ENTREP2: variants seen among roughly 807,000 people sequenced by gnomAD.
ENTREP2 encodes endosomal transmembrane epsin interactor 2, also known as protein ENTREP2.
the ENTREP2 span, among the ~76,000 whole-genome samples, chr15:29,131,133 A>T: frequency 6.6e-6 from 1 of 152,088 alleles, no homozygotes; most frequent in Non-Finnish European, 1.5e-5. Flanking sequence ...GTAGTTTCCC[A>T]CTCCTGGGTG....
chr15:29,159,239 GA>G, the ENTREP2 span, among the ~76,000 whole-genome samples: 1 of 152,054 alleles, frequency 6.6e-6, no homozygotes, highest in Non-Finnish European at 1.5e-5. Flanking sequence ...CCTCCGCGGT[GA>G]GTGTTACAGC....
chr15:29,400,101 C>T, the ENTREP2 span, among the ~76,000 whole-genome samples: 1 of 151,948 alleles, frequency 6.6e-6, no homozygotes, highest in South Asian at 2.1e-4. Flanking sequence ...TCCTGACAAC[C>T]CTAATTAGTA....
the ENTREP2 span, among the ~76,000 whole-genome samples, chr15:29,275,112 G>A: frequency 6.6e-6 from 1 of 152,276 alleles, no homozygotes; most frequent in South Asian, 2.1e-4. Flanking sequence ...TATTTTTCAA[G>A]TGCCTTTAGC....
chr15:29,275,431 G>A, the ENTREP2 span, among the ~76,000 whole-genome samples: 138 of 152,300 alleles, frequency 9.1e-4, 1 homozygote, highest in African/African-American at 3.0e-3. Flanking sequence ...AGTGTGATTC[G>A]AATATGGCAT....
chr15:29,603,640 AATTT>A, the ENTREP2 span, among the ~76,000 whole-genome samples: 3 of 152,074 alleles, frequency 2.0e-5, no homozygotes, highest in East Asian at 3.9e-4. Context: ...TTAATTAATT[AATTT>A]ATTTATTTAT....
At chr15:29,173,095 A>C in the ENTREP2 span, among the ~76,000 whole-genome samples, 282 of 152,196 alleles carry the variant, frequency 1.9e-3, 2 homozygotes, top group African/African-American at 6.6e-3. Flanking sequence ...ATAGTTCCAC[A>C]CTGGTCTAGC....
At chr15:29,606,349 C>T in the ENTREP2 span, among the ~76,000 whole-genome samples, 2 of 151,504 alleles carry the variant, frequency 1.3e-5, no homozygotes, top group African/African-American at 4.9e-5. Flanking sequence ...ATTATCCTGC[C>T]TCAGCCTCCA....
chr15:29,223,906 G>GTAAAA, the ENTREP2 span, among the ~76,000 whole-genome samples: 4 of 152,164 alleles, frequency 2.6e-5, no homozygotes, highest in African/African-American at 9.7e-5. Flanking sequence ...TGCACATGAA[G>GTAAAA]TAAAGTCTGA....
the ENTREP2 span, among the ~76,000 whole-genome samples, chr15:29,565,830 G>A: frequency 1.3e-5 from 2 of 151,914 alleles, no homozygotes; most frequent in African/African-American, 2.4e-5. Context: ...GTGTGGTGGC[G>A]GGCGCCTGTA....
the ENTREP2 span, among the ~76,000 whole-genome samples, chr15:29,127,307 C>G: frequency 2.6e-5 from 4 of 152,156 alleles, no homozygotes; most frequent in African/African-American, 9.7e-5. Flanking sequence ...ACCAGGTGCC[C>G]TCAGAGCCCC....
the ENTREP2 span, among the ~76,000 whole-genome samples, chr15:29,491,903 A>T: frequency 9.2e-5 from 14 of 152,272 alleles, no homozygotes; most frequent in Admixed American, 8.5e-4. Flanking sequence ...TCGTTACTCA[A>T]CTGAGGGGAA....
chr15:29,349,173 T>C, the ENTREP2 span, among the ~76,000 whole-genome samples: 1 of 151,986 alleles, frequency 6.6e-6, no homozygotes, highest in African/African-American at 2.4e-5. Flanking sequence ...CCAGCTCCCA[T>C]CAGGAAACAT....
At chr15:29,199,552 G>T in the ENTREP2 span, among the ~76,000 whole-genome samples, 1 of 152,178 alleles carries the variant, frequency 6.6e-6, no homozygotes, top group African/African-American at 2.4e-5. Context: ...GTTCTCCTGG[G>T]AAGTTTGAGA....
chr15:29,221,306 A>T, the ENTREP2 span, among the ~76,000 whole-genome samples: 1 of 151,532 alleles, frequency 6.6e-6, no homozygotes, highest in African/African-American at 2.4e-5. Flanking sequence ...GGTTCAAGTG[A>T]TTCTCCTGCC....
chr15:29,166,992 A>C, the ENTREP2 span, among the ~76,000 whole-genome samples: 27 of 152,342 alleles, frequency 1.8e-4, no homozygotes, highest in South Asian at 5.4e-3. Context: ...ATGGAACAGA[A>C]TACAGAACCC....
the ENTREP2 span, among the ~76,000 whole-genome samples, chr15:29,639,122 T>G: frequency 1.9e-4 from 29 of 152,234 alleles, no homozygotes; most frequent in African/African-American, 6.8e-4. Flanking sequence ...GAAAGAAATC[T>G]TTGTCGTGGA....
the ENTREP2 span, among the ~76,000 whole-genome samples, chr15:29,239,382 C>A: frequency 6.6e-6 from 1 of 152,166 alleles, no homozygotes. Context: ...AGGGAAGAGG[C>A]TGAGGTCAAG....
the ENTREP2 span, among the ~76,000 whole-genome samples, chr15:29,273,244 G>C: frequency 1.4e-5 from 2 of 146,800 alleles, no homozygotes; most frequent in African/African-American, 5.2e-5. Context: ...TGTCGCCCAG[G>C]CTGGAGTGCA....
the ENTREP2 span, among the ~76,000 whole-genome samples, chr15:29,460,587 T>A: frequency 6.6e-6 from 1 of 151,728 alleles, no homozygotes; most frequent in Admixed American, 6.6e-5. Flanking sequence ...CCCGAGATTG[T>A]GCCACTGCAC....
Sources: allele counts gnomAD v4.1 joint callset (sites outside exome capture counted in the v4.1 genomes callset), GRCh38; gene constraint gnomAD v4.1.1; transcripts MANE v1.5; gene names NCBI Gene and HGNC (gene_info 2026-07-23, HGNC 2026-07-21).